Variants in LYPD5 observed in about 807,000 individuals in gnomAD.
LYPD5 encodes the protein LY6/PLAUR domain containing 5.
In LYPD5, 21 loss-of-function variants were observed where a neutral mutation model predicts 19.1. The observed-to-expected ratio is 1.10, with a 90% CI of 0.78 to 1.58. The LOEUF is 1.58. LYPD5 is among the 40% of genes most tolerant of loss of function. The pLI is 0.00. For synonymous variants in LYPD5, 128 were observed against 142.7 expected (o/e 0.90, Z 0.74); for missense variants, 287 against 329.8 (o/e 0.87, Z 1.00).
upstream of LYPD5, among the ~76,000 whole-genome samples, chr19:43,807,440 C>A (rs549775510): frequency 6.6e-6 from 1 of 152,022 alleles, no homozygotes; most frequent in East Asian, 1.9e-4. Context: ...CCTGCCACCA[C>A]GCCCAGCTAA....
At chr19:43,818,235 A>C (rs1210824675) in intron 1 of LYPD5, among the ~76,000 whole-genome samples, 1 of 151,878 alleles carries the variant, frequency 6.6e-6, no homozygotes, top group Non-Finnish European at 1.5e-5. Context: ...TCCTGGAAAC[A>C]CTCCTCTTAG....
In LYPD5 at chr19:43,818,305, C is replaced by T. The variant is rs576993683; in HGVS notation, c.-66+2235G>A. On this transcript the variant is annotated intron_variant, in intron 1 of 4. Coordinates refer to the LYPD5 transcript ENST00000414615. ...GTTTCTGTGCTATTATTTTATCAGC[C>T]GGTACAGTTCCAGGGAAGCAGGAGA... 2.6e-5 allele frequency among the ~76,000 whole-genome samples: 4 copies of T among 152,190 alleles called. No homozygotes were observed. The South Asian group carries it at 6.2e-4, about 24-fold the overall frequency.
chr19:43,819,614 A>G (rs767632659), intron 1 of LYPD5, among the ~76,000 whole-genome samples: 1 of 152,084 alleles, frequency 6.6e-6, no homozygotes, highest in Non-Finnish European at 1.5e-5. Flanking sequence ...CCGTTGGAAA[A>G]AAGGAGAACG....
Position 43,797,595 on chromosome 19 carries a change from G to C in LYPD5, c.752C>G (p.Ala251Gly), listed in dbSNP as rs1970149674. Residue 251 changes from alanine (A) to glycine (G), a missense_variant, in exon 5 of 5, where the codon GCA (alanine) becomes GGA (glycine). By Grantham distance (60) the Ala-to-Gly change is moderately conservative. Transcript: ENST00000377950. ...CCAGCATCCTGGAGGGGCGGTCTAT[G>C]CTGAGAGCCCCACCAGCAGGAGGAC... ...LPVLLLVGLS[A>G] The C allele has an allele frequency of 2.9e-5, 47 of 1,600,918 alleles. No individual in the cohort carries two copies. Among genetic ancestry groups the C allele is most frequent in the Non-Finnish European group, 3.9e-5 (46 of 1,171,876 alleles).
At chr19:43,803,199 T>C (rs1211875647), upstream of LYPD5, among the ~76,000 whole-genome samples, 4 of 152,182 alleles carry the variant, frequency 2.6e-5, no homozygotes, top group African/African-American at 9.7e-5. Flanking sequence ...GACACCCCGA[T>C]AGACACGACA....
chr19:43,819,816 C>T (rs1270642323), intron 1 of LYPD5, among the ~76,000 whole-genome samples: 1 of 152,146 alleles, frequency 6.6e-6, no homozygotes, highest in Non-Finnish European at 1.5e-5. Context: ...AGCTCATTTC[C>T]TCAATGTTAC....
At chr19:43,801,654 G>A (rs188220363) in intron 1 of LYPD5, among the ~76,000 whole-genome samples, 4 of 152,146 alleles carry the variant, frequency 2.6e-5, no homozygotes, top group East Asian at 1.9e-4. Flanking sequence ...ACCCACAAAC[G>A]CATTTGTTCA....
At chr19:43,799,098 C>CTCTCTCCT in intron 2 of LYPD5, 110 bp from the exon 3 acceptor site, 1 of 1,014,230 alleles carries the variant, frequency 9.9e-7, no homozygotes, top group South Asian at 1.8e-5. Context: ...ACCTCCTCCC[C>CTCTCTCCT]TCCCTCCTTC....
exon 1 of LYPD5, chr19:43,820,550 G>C (rs571292733): frequency 6.7e-6 from 1 of 149,314 alleles, no homozygotes; most frequent in African/African-American, 2.5e-5. Context: ...CCGCACTGCC[G>C]ACTGGGGCAT....
At position 43,798,900 on chromosome 19, in the gene LYPD5, C is replaced by A. The variant is rs534504699; in HGVS notation, c.282G>T (p.Pro94=). 3.7e-6 allele frequency: 6 copies of A among 1,602,684 alleles called. No individual in the cohort carries two copies. The highest frequency in any genetic ancestry group is 5.1e-6 in the Non-Finnish European group (6 of 1,174,884). The change falls in exon 3 of 5, where the codon CCG becomes CCT. Residue 94 remains proline, a synonymous_variant. Transcript: ENST00000377950. ...GQTQSNADAL[P]PDYSVVRGCT... The stretch of plus-strand genomic sequence containing the variant: ...AGCCGCGCACCACCGAGTAGTCTGG[C>A]GGCAGCGCGTCCGCGTTCGATTGCG...
At position 43,800,743 on chromosome 19, in the gene LYPD5, C is replaced by T. The variant is rs575008092; in HGVS notation, c.65-909G>A. ...TTGGGAGGCTGAAGCAGGAGGATCA[C>T]CTGAACTCGGGAGTTAGAGACCAGT... On this transcript the variant is annotated intron_variant, in intron 1 of 4. Coordinates refer to ENST00000377950, the MANE Select transcript of LYPD5 (RefSeq NM_001031749.3). 5.1e-4 allele frequency among the ~76,000 whole-genome samples: 77 copies of T among 152,224 alleles called. 1 individual carries two copies. The highest frequency in any genetic ancestry group is 1.8e-3 in the African/African-American group (76 of 41,540).
At position 43,796,264 on chromosome 19, in the gene LYPD5, T is replaced by G. The variant is rs1252813174; in HGVS notation, c.*1327A>C. 6.6e-6 allele frequency: 1 copy of G among 152,228 alleles called. No individual in the cohort carries two copies. The highest frequency in any genetic ancestry group is 1.5e-5 in the Non-Finnish European group (1 of 68,062). 9.4% of individuals were successfully genotyped at this position (152,228 alleles called of 1,614,324 possible). A position where few individuals can be genotyped will look rare whatever the true frequency, so the allele number is the denominator to read the frequency against. ...AGCAGGATGCAACTTACTTTTTTGC[T>G]TCTCTCACTGAGTTGCTGGAAAGAT... On this transcript the variant is annotated 3_prime_UTR_variant, in exon 5 of 5. Transcript: ENST00000377950.
Position 43,797,838 on chromosome 19 carries a change from G to T in LYPD5, c.518-9C>A. ...AGGGACTGAGAAATTGCCTGGAGGT[G>T]GGCAAAGCAGTGAGGAACGGTCAGA... On this transcript the variant is annotated splice_polypyrimidine_tract_variant and intron_variant, in intron 4 of 4. Coordinates refer to ENST00000377950, the MANE Select transcript of LYPD5 (RefSeq NM_001031749.3). The T allele has an allele frequency of 6.2e-7, 1 of 1,602,404 alleles. No homozygotes were observed. Among genetic ancestry groups the T allele is most frequent in the Non-Finnish European group, 8.5e-7 (1 of 1,170,272 alleles).
At chr19:43,800,003 G>C (rs1970202382) in intron 1 of LYPD5, 169 bp from the exon 2 acceptor site, 2 of 766,664 alleles carry the variant, frequency 2.6e-6, no homozygotes, top group Non-Finnish European at 4.0e-6. Flanking sequence ...AGCTGTGTCT[G>C]TCTCATGGCA....
At chr19:43,812,140 T>C (rs944881713) in intron 1 of LYPD5, among the ~76,000 whole-genome samples, 3 of 152,118 alleles carry the variant, frequency 2.0e-5, no homozygotes, top group African/African-American at 7.2e-5. Context: ...ACATGGGAGT[T>C]GCAACGTTCC....
chr19:43,798,929 G>A lies in LYPD5; in HGVS notation c.253C>T (p.Gln85Ter). The change falls in exon 3 of 5, where the codon CAG (glutamine) becomes TAG (stop). Residue 85 changes from glutamine (Q) to a stop codon, truncating the protein, a stop_gained. Transcript: ENST00000377950. LOFTEE classifies it high-confidence loss of function. ...KGCWTGPPAG[Q>*]TQSNADALPP... is the part of the protein sequence containing the mutation. ...AGCGCGTCCGCGTTCGATTGCGTCTGGCCCGCAGGAGGCCCGGTCCAGCAG... is the reference window on the plus strand; with the variant it reads ...AGCGCGTCCGCGTTCGATTGCGTCTAGCCCGCAGGAGGCCCGGTCCAGCAG... 2 of 1,594,202 alleles carry A rather than the reference G, an allele frequency of 1.3e-6. No homozygotes were observed. The highest frequency in any genetic ancestry group is 1.7e-6 in the Non-Finnish European group (2 of 1,171,106).
Position 43,799,816 on chromosome 19 carries a change from C to T in LYPD5, c.83G>A (p.Cys28Tyr), listed in dbSNP as rs541650037. The part of the protein sequence containing the change: ...LCLTGSQALQ[C>Y]YSFEHTYFGP... ...AAAGTAGGTGTGCTCAAAGCTGTAGCACTGCAGGGCTTGGGACCCTGGGGA... is the reference window on the plus strand; with the variant it reads ...AAAGTAGGTGTGCTCAAAGCTGTAGTACTGCAGGGCTTGGGACCCTGGGGA... The change falls in exon 2 of 5, where the codon TGC becomes TAC. Residue 28 changes from cysteine to tyrosine, a missense_variant. Cys to Tyr is a radical substitution (Grantham distance 194). Transcript: ENST00000377950. The T allele has an allele frequency of 1.4e-5, 22 of 1,612,844 alleles. No individual in the cohort carries two copies. The African/African-American group carries it at 2.7e-4, about 20-fold the overall frequency.
chr19:43,801,332 T>A lies in LYPD5; in HGVS notation c.64+985A>T, dbSNP rs577124525. On this transcript the variant is annotated intron_variant, in intron 1 of 4. Coordinates refer to ENST00000377950, the MANE Select transcript of LYPD5 (RefSeq NM_001031749.3). ...CTGGGCAACATAGTGAAACCCCACC[T>A]CTACAAAATCATACAAAAATTAGCC... is the stretch of plus-strand genomic sequence containing the variant. Among the ~76,000 whole-genome samples the A allele has an allele frequency of 2.9e-3, 444 of 152,182 alleles. 1 individual carries two copies. The highest frequency in any genetic ancestry group is 9.7e-3 in the African/African-American group (403 of 41,518).
At chr19:43,805,520 T>G (rs180890217), upstream of LYPD5, among the ~76,000 whole-genome samples, 2 of 152,206 alleles carry the variant, frequency 1.3e-5, no homozygotes, top group Admixed American at 1.3e-4. Flanking sequence ...GTTATTTTTA[T>G]TTTTTGAGAC....
Sources: gnomAD v4.1 joint callset for allele counts (sites outside exome capture counted in the v4.1 genomes callset) on GRCh38, gnomAD v4.1.1 for gene constraint, MANE v1.5 for transcripts, NCBI Gene and HGNC (gene_info 2026-07-23, HGNC 2026-07-21) for gene names.